Variants in IQCH observed in about 807,000 individuals in gnomAD.
IQCH encodes the protein IQ domain-containing protein H.
In IQCH, 98 loss-of-function variants were observed where a neutral mutation model predicts 117.0. That is an observed-to-expected ratio of 0.84 (90% CI 0.71 to 0.99). IQCH has a LOEUF of 0.99. Among genes scored for constraint, IQCH ranks in the 50% least tolerant of loss-of-function variants. The pLI is 0.00. For missense variants in IQCH, 1,102 were observed against 1,243.8 expected (o/e 0.89, Z 1.72); for synonymous variants, 412 against 448.2 (o/e 0.92, Z 1.02).
chr15:67,255,259 T>C (rs1428215027), intron 1 of IQCH: 4 of 416,568 alleles, frequency 9.6e-6, no homozygotes, highest in Non-Finnish European at 1.3e-5. Context: ...AAATGTTATA[T>C]TCTGAAAAAT....
intron 4 of IQCH, among the ~76,000 whole-genome samples, chr15:67,323,089 C>A (rs1451353941): frequency 6.6e-6 from 1 of 152,150 alleles, no homozygotes; most frequent in African/African-American, 2.4e-5. Flanking sequence ...TAAATTGTCT[C>A]AGCCTTCGTC....
chr15:67,449,983 A>G (rs1186557369), intron 16 of IQCH, among the ~76,000 whole-genome samples: 1 of 152,048 alleles, frequency 6.6e-6, no homozygotes, highest in Non-Finnish European at 1.5e-5. Flanking sequence ...TTCTCTTTGA[A>G]GCAATTGTGA....
chr15:67,364,574 A>T lies in IQCH; in HGVS notation c.753+4689A>T, dbSNP rs1351772238. On this transcript the variant is annotated intron_variant, in intron 8 of 20. Coordinates refer to ENST00000335894, the MANE Select transcript of IQCH (RefSeq NM_001031715.3). This position sits in a 1 kb window ranked among gnomAD's most constrained non-coding sequence, Gnocchi z 4.1. Reference sequence around the variant, plus strand: ...TATACAACAGAAAAAAGGTTAAATTATCAGCCAACAAGATAATCTGTATTT... The same window carrying T: ...TATACAACAGAAAAAAGGTTAAATTTTCAGCCAACAAGATAATCTGTATTT... Among the ~76,000 whole-genome samples the T allele has an allele frequency of 6.6e-6, 1 of 152,226 alleles. No homozygotes were observed. Among genetic ancestry groups the T allele is most frequent in the African/African-American group, 2.4e-5 (1 of 41,454 alleles).
At chr15:67,276,049 C>A (rs1966108285) in intron 3 of IQCH, among the ~76,000 whole-genome samples, 1 of 152,082 alleles carries the variant, frequency 6.6e-6, no homozygotes, top group Non-Finnish European at 1.5e-5. Flanking sequence ...TTATTAAATT[C>A]ATTTTAACAC....
intron 15 of IQCH, among the ~76,000 whole-genome samples, chr15:67,418,808 C>T (rs533575619): frequency 9.2e-5 from 14 of 151,960 alleles, no homozygotes; most frequent in African/African-American, 3.1e-4. Flanking sequence ...AAACTCCTGA[C>T]CTAAGGTGAT....
rs2081369451 is a variant in IQCH, at chr15:67,408,778, AC to A, written c.2098-8151del. ...TTCATCAGCATATGCAATTTTCTCA[AC>A]CAGCGATATTTCTCTAACTGGAAAG... On this transcript the variant is annotated intron_variant, in intron 14 of 20. Transcript: ENST00000335894. This position sits in a 1 kb window ranked among gnomAD's most constrained non-coding sequence, Gnocchi z 4.2. Among the ~76,000 whole-genome samples, 1 of 152,136 alleles carries A rather than the reference AC, an allele frequency of 6.6e-6. No individual in the cohort carries two copies. The highest frequency in any genetic ancestry group is 1.9e-4 in the East Asian group (1 of 5,192).
chr15:67,376,295 G>C lies in IQCH; in HGVS notation c.1372+2862G>C, dbSNP rs535734072. Among the ~76,000 whole-genome samples, 2 of 152,150 alleles carry C rather than the reference G, an allele frequency of 1.3e-5. No homozygotes were observed. Among genetic ancestry groups the C allele is most frequent in the Admixed American group, 6.5e-5 (1 of 15,268 alleles). On this transcript the variant is annotated intron_variant, in intron 10 of 20. Transcript: ENST00000335894. The surrounding 1 kb of genome is among the most constrained non-coding windows in gnomAD (Gnocchi z 5.0). The stretch of plus-strand genomic sequence containing the variant: ...AAACTTCTTTGTCTCATGCACCAGG[G>C]ACTTACCTATACAATTCATAAAAAT...
Position 67,365,763 on chromosome 15 carries a change from C to G in IQCH, c.753+5878C>G, listed in dbSNP as rs990245805. Among the ~76,000 whole-genome samples the G allele has an allele frequency of 2.0e-5, 3 of 152,102 alleles. No individual in the cohort carries two copies. The highest frequency in any genetic ancestry group is 2.9e-5 in the Non-Finnish European group (2 of 68,024). On this transcript the variant is annotated intron_variant, in intron 8 of 20. Coordinates refer to ENST00000335894, the MANE Select transcript of IQCH (RefSeq NM_001031715.3). The surrounding 1 kb of genome is among the most constrained non-coding windows in gnomAD (Gnocchi z 4.4). Reference sequence around the variant, plus strand: ...TGGACAACATGGTGAAACCCTATCTCTACTAAAAATATAAAAGTTAGCCGG... The same window carrying G: ...TGGACAACATGGTGAAACCCTATCTGTACTAAAAATATAAAAGTTAGCCGG...
chr15:67,308,687 G>T (rs573707646), intron 4 of IQCH, among the ~76,000 whole-genome samples: 2 of 152,146 alleles, frequency 1.3e-5, no homozygotes, highest in East Asian at 3.9e-4. Context: ...GAAGGTGGTG[G>T]TGGTGGTGGT....
In IQCH at chr15:67,425,483, G is replaced by A. The variant is rs111232337; in HGVS notation, c.2505+3906G>A. Reference sequence around the variant, plus strand: ...AAAAATTAGCTGGGCGTGGTGGCATGTGCCTGTAGTCCCAGCTGCCCGGGA... The same window carrying A: ...AAAAATTAGCTGGGCGTGGTGGCATATGCCTGTAGTCCCAGCTGCCCGGGA... On this transcript the variant is annotated intron_variant, in intron 16 of 20. Transcript: ENST00000335894. This position sits in a 1 kb window ranked among gnomAD's most constrained non-coding sequence, Gnocchi z 5.5. Among the ~76,000 whole-genome samples the A allele has an allele frequency of 8.6e-3, 1,312 of 152,276 alleles. 29 individuals carry two copies. Among genetic ancestry groups the A allele is most frequent in the African/African-American group, 0.03 (1,253 of 41,550 alleles).
chr15:67,325,902 C>T (rs1042618741), intron 4 of IQCH, among the ~76,000 whole-genome samples: 1 of 151,924 alleles, frequency 6.6e-6, no homozygotes, highest in African/African-American at 2.4e-5. Context: ...AATTTCTTTC[C>T]TCAAAATATT....
Position 67,491,688 on chromosome 15 carries a change from T to C in IQCH, c.2861+1624T>C, listed in dbSNP as rs2083658146. On this transcript the variant is annotated intron_variant, in intron 19 of 20. Transcript: ENST00000335894. This position sits in a 1 kb window ranked among gnomAD's most constrained non-coding sequence, Gnocchi z 4.9. ...CAAGCTTGCCTTCATCTTCTCCACC[T>C]AGGCCTTCACATCCAGAATGATAAC... Among the ~76,000 whole-genome samples the C allele has an allele frequency of 6.6e-6, 1 of 152,152 alleles. No individual in the cohort carries two copies. Among genetic ancestry groups the C allele is most frequent in the Non-Finnish European group, 1.5e-5 (1 of 68,032 alleles).
At chr15:67,335,069 G>A (rs1336150031) in intron 4 of IQCH, among the ~76,000 whole-genome samples, 7 of 151,796 alleles carry the variant, frequency 4.6e-5, no homozygotes, top group African/African-American at 7.2e-5. Flanking sequence ...ACACACACAC[G>A]TGCACACACA....
chr15:67,269,812 A>G (rs1181338744), intron 3 of IQCH, among the ~76,000 whole-genome samples: 1 of 152,048 alleles, frequency 6.6e-6, no homozygotes, highest in Non-Finnish European at 1.5e-5. Flanking sequence ...GAATGACAGG[A>G]TTCCTTTGTT....
intron 4 of IQCH, among the ~76,000 whole-genome samples, chr15:67,280,201 C>T (rs1596087894): frequency 6.6e-6 from 1 of 152,254 alleles, no homozygotes; most frequent in East Asian, 1.9e-4. Flanking sequence ...TCAATTTCTA[C>T]AACAAAAGAG....
rs994394867 is a variant in IQCH at position 67,432,909 on chromosome 15, T to C, written c.2505+11332T>C. Among the ~76,000 whole-genome samples the C allele has an allele frequency of 6.6e-6, 1 of 152,180 alleles. No individual in the cohort carries two copies. The highest frequency in any genetic ancestry group is 1.5e-5 in the Non-Finnish European group (1 of 68,026). ...CTCTAGTACTCTCATTTGCAAGATC[T>C]CCCCTATCTCTGTTTTCAAGATATA... On this transcript the variant is annotated intron_variant, in intron 16 of 20. Coordinates refer to ENST00000335894, the MANE Select transcript of IQCH (RefSeq NM_001031715.3). This position sits in a 1 kb window ranked among gnomAD's most constrained non-coding sequence, Gnocchi z 5.0.
chr15:67,429,822 A>G (rs1489654257), intron 16 of IQCH, among the ~76,000 whole-genome samples: 3 of 152,236 alleles, frequency 2.0e-5, no homozygotes, highest in Admixed American at 6.5e-5. Flanking sequence ...CCTCAAGGAC[A>G]GTCCCACAAT....
In IQCH at chr15:67,476,174, T is replaced by C. The variant is rs2083197179; in HGVS notation, c.2799+356T>C. Among the ~76,000 whole-genome samples, 1 of 152,254 alleles carries C rather than the reference T, an allele frequency of 6.6e-6. No homozygotes were observed. The highest frequency in any genetic ancestry group is 2.4e-5 in the African/African-American group (1 of 41,480). On this transcript the variant is annotated intron_variant, in intron 18 of 20. Coordinates refer to ENST00000335894, the MANE Select transcript of IQCH (RefSeq NM_001031715.3). This position sits in a 1 kb window ranked among gnomAD's most constrained non-coding sequence, Gnocchi z 4.1. ...TGCTTATCAATGAATAGCTTCTGTC[T>C]TAGTCTGCTGGGGCTGCCATAACAA...
chr15:67,429,889 G>A (rs900387718), intron 16 of IQCH, among the ~76,000 whole-genome samples: 42 of 152,358 alleles, frequency 2.8e-4, no homozygotes, highest in African/African-American at 9.1e-4. Context: ...AAGGAGATGA[G>A]AATGAGGTTC....
Sources: allele counts gnomAD v4.1 joint callset (sites outside exome capture counted in the v4.1 genomes callset), GRCh38; gene constraint gnomAD v4.1.1; non-coding constraint Gnocchi (gnomAD v3.1); transcripts MANE v1.5; gene names NCBI Gene and HGNC (gene_info 2026-07-23, HGNC 2026-07-21).